Variants in ATRNL1 observed in about 807,000 individuals in gnomAD.
ATRNL1 encodes the protein attractin-like protein 1.
A neutral mutation model predicts 182.7 loss-of-function variants in ATRNL1; 95 were observed. The ratio of observed to expected loss-of-function variants is 0.52; its 90% CI spans 0.44 to 0.62. ATRNL1 has a LOEUF of 0.62. Ranked by LOEUF, ATRNL1 falls within the 20% of genes least tolerant of loss-of-function variation. The pLI is 0.00. For synonymous variants in ATRNL1, 576 were observed against 568.3 expected (o/e 1.01, Z -0.19); for missense variants, 1,471 against 1,679.5 (o/e 0.88, Z 2.17).
At chr10:115,182,658 G>GA (rs577532845) in intron 8 of ATRNL1, among the ~76,000 whole-genome samples, 74 of 151,556 alleles carry the variant, frequency 4.9e-4, no homozygotes, top group African/African-American at 1.7e-3. Flanking sequence ...AAGGAACAGA[G>GA]AAAGATTTCA....
intron 10 of ATRNL1, among the ~76,000 whole-genome samples, chr10:115,243,207 A>G (rs1207949456): frequency 2.6e-5 from 4 of 152,240 alleles, no homozygotes; most frequent in East Asian, 3.9e-4. Context: ...CTGTACTTCA[A>G]TGAAGAATTT....
chr10:115,652,181 G>A (rs905118840), intron 26 of ATRNL1, among the ~76,000 whole-genome samples: 2 of 151,566 alleles, frequency 1.3e-5, no homozygotes, highest in African/African-American at 2.4e-5. Flanking sequence ...GGGATTGTTA[G>A]CATTTCTCTA....
chr10:115,901,696 C>G (rs2615872), intron 28 of ATRNL1, among the ~76,000 whole-genome samples: 4 of 135,542 alleles, frequency 3.0e-5, no homozygotes, highest in Non-Finnish European at 6.1e-5. Context: ...GCAGAACAGT[C>G]TTAGTGATGT....
chr10:115,717,160 G>A (rs1037020059), intron 26 of ATRNL1, among the ~76,000 whole-genome samples: 1 of 152,100 alleles, frequency 6.6e-6, no homozygotes, highest in Non-Finnish European at 1.5e-5. Context: ...AGGGAACTAG[G>A]TTCATTGTAT....
At chr10:115,795,550 G>T (rs993630864) in intron 27 of ATRNL1, among the ~76,000 whole-genome samples, 3 of 152,152 alleles carry the variant, frequency 2.0e-5, no homozygotes, top group Non-Finnish European at 2.9e-5. Flanking sequence ...ATAAAGAAAA[G>T]AAGTTTAATT....
At chr10:115,789,477 G>A (rs115289230) in intron 27 of ATRNL1, among the ~76,000 whole-genome samples, 1 of 152,132 alleles carries the variant, frequency 6.6e-6, no homozygotes, top group African/African-American at 2.4e-5. Flanking sequence ...GTTGATAATA[G>A]CACCCTGCGC....
chr10:115,458,344 G>T (rs916006470), intron 21 of ATRNL1, among the ~76,000 whole-genome samples: 6 of 152,052 alleles, frequency 3.9e-5, no homozygotes, highest in Non-Finnish European at 8.8e-5. Flanking sequence ...AGCTTTAAAA[G>T]GAAACATTTT....
At chr10:115,179,387 A>C (rs1847659506) in intron 8 of ATRNL1, among the ~76,000 whole-genome samples, 1 of 151,984 alleles carries the variant, frequency 6.6e-6, no homozygotes, top group South Asian at 2.1e-4. Context: ...TGCTTTATTG[A>C]AGGCTGAACT....
chr10:115,431,086 T>A lies in ATRNL1; in HGVS notation c.3322+4784T>A, dbSNP rs186751684. On this transcript the variant is annotated intron_variant, in intron 21 of 28. Transcript: ENST00000355044. ...TTGGCACACACTGACGCTCAATGTT[T>A]AGATTTTAATTGATCAAGATTGAAA... Among the ~76,000 whole-genome samples the A allele has an allele frequency of 6.0e-4, 92 of 152,240 alleles. 2 individuals carry two copies. Among genetic ancestry groups the A allele is most frequent in the Admixed American group, 2.2e-3 (33 of 15,280 alleles).
intron 6 of ATRNL1, among the ~76,000 whole-genome samples, chr10:115,162,404 G>T (rs1471046432): frequency 6.6e-6 from 1 of 151,956 alleles, no homozygotes; most frequent in Non-Finnish European, 1.5e-5. Flanking sequence ...CCAGATCAAA[G>T]ACTTAAGATA....
chr10:115,549,153 A>C (rs1041866690), intron 25 of ATRNL1, among the ~76,000 whole-genome samples: 1 of 152,122 alleles, frequency 6.6e-6, no homozygotes, highest in Non-Finnish European at 1.5e-5. Flanking sequence ...AATTCTAAAT[A>C]GATTTTGGTT....
intron 22 of ATRNL1, among the ~76,000 whole-genome samples, chr10:115,464,152 A>G (rs928609576): frequency 2.0e-5 from 3 of 152,012 alleles, no homozygotes; most frequent in Non-Finnish European, 4.4e-5. Context: ...TTAACGATGC[A>G]TAACTGTCAT....
At chr10:115,121,435 T>C (rs1844729954) in intron 2 of ATRNL1, among the ~76,000 whole-genome samples, 1 of 152,188 alleles carries the variant, frequency 6.6e-6, no homozygotes, top group Non-Finnish European at 1.5e-5. Flanking sequence ...ACTACATTTT[T>C]AGAAAACAAT....
chr10:115,825,124 A>T (rs926543225), intron 27 of ATRNL1, among the ~76,000 whole-genome samples: 7 of 151,770 alleles, frequency 4.6e-5, no homozygotes, highest in Admixed American at 4.6e-4. Flanking sequence ...ATCATTCTCA[A>T]CACAGGAACT....
chr10:115,578,207 T>C (rs1265774155), intron 26 of ATRNL1, among the ~76,000 whole-genome samples: 26 of 151,908 alleles, frequency 1.7e-4, no homozygotes, highest in African/African-American at 6.3e-4. Flanking sequence ...TATTGGCCCA[T>C]AGTTTTCTTT....
At chr10:115,490,908 G>A (rs1395922448) in intron 24 of ATRNL1, among the ~76,000 whole-genome samples, 4 of 152,048 alleles carry the variant, frequency 2.6e-5, no homozygotes, top group Non-Finnish European at 5.9e-5. Context: ...TTCAGATGGG[G>A]TCTCTGAGTG....
intron 5 of ATRNL1, among the ~76,000 whole-genome samples, chr10:115,153,247 G>A (rs1846331187): frequency 1.3e-5 from 2 of 152,234 alleles, no homozygotes; most frequent in East Asian, 1.9e-4. Flanking sequence ...GAGTTAGGGA[G>A]GATTCCCTCT....
chr10:115,426,977 C>CGGATGTGATTA (rs1845932922), intron 21 of ATRNL1, among the ~76,000 whole-genome samples: 2 of 152,148 alleles, frequency 1.3e-5, no homozygotes, highest in Non-Finnish European at 2.9e-5. Flanking sequence ...CCCACCTTGG[C>CGGATGTGATTA]CTCCCAAAGT....
chr10:115,724,075 T>C (rs1418255223), intron 26 of ATRNL1, among the ~76,000 whole-genome samples: 4 of 152,170 alleles, frequency 2.6e-5, no homozygotes, highest in Non-Finnish European at 5.9e-5. Flanking sequence ...AGATTAGTTA[T>C]AAAACAGACA....
Sources: allele counts gnomAD v4.1 joint callset (sites outside exome capture counted in the v4.1 genomes callset), GRCh38; gene constraint gnomAD v4.1.1; transcripts MANE v1.5; gene names NCBI Gene and HGNC (gene_info 2026-07-23, HGNC 2026-07-21).